The following SLC26A5 variants were observed in gnomAD, a reference collection of about 807,000 sequenced individuals.
SLC26A5 encodes the protein prestin.
SLC26A5 carries 51 observed loss-of-function variants against 81.0 expected under a neutral mutation model. The observed-to-expected ratio is 0.63, with a 90% confidence interval of 0.50 to 0.80. SLC26A5 has a LOEUF of 0.80. Ranked by LOEUF, SLC26A5 falls within the 30% of genes least tolerant of loss-of-function variation. The pLI is 0.00. For synonymous variants in SLC26A5, 325 were observed against 332.8 expected (o/e 0.98, Z 0.25); for missense variants, 771 against 905.8 (o/e 0.85, Z 1.91).
intron 4 of SLC26A5, among the ~76,000 whole-genome samples, chr7:103,414,190 C>CT (rs199802339): frequency 3.0e-3 from 386 of 127,068 alleles, no homozygotes; most frequent in East Asian, 4.3e-3. Flanking sequence ...TTGCCCCCCC[C>CT]TTTTTTTTTT....
chr7:103,410,607 G>A (rs1410213673), intron 6 of SLC26A5, 58 bp from the exon 7 acceptor site: 1 of 1,458,846 alleles, frequency 6.9e-7, no homozygotes. Flanking sequence ...AGGAAGTTAT[G>A]ACCCACAGCA....
chr7:103,355,268 A>C (rs547961302), intron 19 of SLC26A5, among the ~76,000 whole-genome samples: 1 of 152,050 alleles, frequency 6.6e-6, no homozygotes, highest in African/African-American at 2.4e-5. Context: ...ATCTCACAAC[A>C]TAGTTTTGCT....
chr7:103,393,116 A>G, intron 9 of SLC26A5, 50 bp from the exon 10 acceptor site: 1 of 1,608,780 alleles, frequency 6.2e-7, no homozygotes, highest in Middle Eastern at 1.7e-4. Flanking sequence ...AAGGGAAAAG[A>G]AAAAAAACCT....
At chr7:103,398,846 A>G (rs944360699) in intron 8 of SLC26A5, among the ~76,000 whole-genome samples, 1 of 152,112 alleles carries the variant, frequency 6.6e-6, no homozygotes, top group Non-Finnish European at 1.5e-5. Flanking sequence ...CTGGGAGACC[A>G]GGGGCATGGG....
chr7:103,427,875 T>G (rs1191837724), intron 2 of SLC26A5, among the ~76,000 whole-genome samples: 1 of 147,990 alleles, frequency 6.8e-6, no homozygotes, highest in Admixed American at 6.8e-5. Flanking sequence ...TCTTTTGAGA[T>G]GGAGTCTCAC....
chr7:103,445,586 G>C (rs1039659744), intron 1 of SLC26A5: 3 of 152,284 alleles, frequency 2.0e-5, no homozygotes, highest in Non-Finnish European at 4.4e-5. Context: ...GCTGAGCGGA[G>C]GGCCCAGTTT....
At chr7:103,445,183 T>C (rs1422583916) in intron 1 of SLC26A5, 1 of 152,190 alleles carries the variant, frequency 6.6e-6, no homozygotes, top group African/African-American at 2.4e-5. Context: ...AGGAAAAGAA[T>C]TTTGCCCACC....
In SLC26A5 at chr7:103,377,777, T is replaced by G; in HGVS notation, c.1808A>C (p.Asp603Ala). 6.2e-7 allele frequency: 1 copy of G among 1,613,978 alleles called. No homozygotes were observed. The highest frequency in any genetic ancestry group is 8.5e-7 in the Non-Finnish European group (1 of 1,180,012). The change falls in exon 18 of 20, where the codon GAT becomes GCT. Residue 603 changes from aspartate (D) to alanine (A), a missense_variant. Asp to Ala is a moderately radical substitution (Grantham distance 126). Transcript: ENST00000306312. ...VKADAEVDGE[D>A]ATKPEEEDGE... is the part of the protein sequence containing the mutation. ...ATCCTCTTCTTCAGGCTTGGTAGCA[T>G]CCTCTCCATCTACTTCTGCATCCTG...
Position 103,389,360 on chromosome 7 carries a change from G to A in SLC26A5, c.1376C>T (p.Pro459Leu). The change falls in exon 13 of 20, where the codon CCC (proline) becomes CTC (leucine). Residue 459 changes from proline to leucine, a missense_variant. By Grantham distance (98) the Pro-to-Leu change is moderately conservative. Coordinates refer to ENST00000306312, the MANE Select transcript of SLC26A5 (RefSeq NM_198999.3). The part of the protein sequence containing the change: ...KGMFMQFSDL[P>L]FFWRTSKIEL... Reference sequence around the variant, plus strand: ...TATTTTGCTGGTTCTCCAGAAAAAGGGGAGATCTGAGAACTGCATAAACAT... The same window carrying A: ...TATTTTGCTGGTTCTCCAGAAAAAGAGGAGATCTGAGAACTGCATAAACAT... 1 of 1,614,018 alleles carries A rather than the reference G, an allele frequency of 6.2e-7. No individual in the cohort carries two copies. The highest frequency in any genetic ancestry group is 8.5e-7 in the Non-Finnish European group (1 of 1,179,948).
chr7:103,365,333 TA>T (rs34723912), intron 19 of SLC26A5, among the ~76,000 whole-genome samples: 16 of 152,146 alleles, frequency 1.1e-4, no homozygotes, highest in African/African-American at 3.9e-4. Context: ...CAGTCTTTTT[TA>T]AAAAAAGTTT....
intron 2 of SLC26A5, among the ~76,000 whole-genome samples, chr7:103,438,192 A>T (rs11983166): frequency 0.17 from 26,351 of 152,098 alleles, 2,626 homozygotes; most frequent in East Asian, 0.44. Context: ...TTTTAAAAAA[A>T]ACTAAGAGTA....
intron 19 of SLC26A5, among the ~76,000 whole-genome samples, chr7:103,360,409 T>C (rs2116210115): frequency 6.6e-6 from 1 of 152,226 alleles, no homozygotes; most frequent in South Asian, 2.1e-4. Context: ...CTAGCAAACA[T>C]GGTTGGTAAC....
rs187461659 is a variant in SLC26A5 at position 103,391,961 on chromosome 7, C to A, written c.1120-226G>T. On this transcript the variant is annotated intron_variant, in intron 10 of 19. Coordinates refer to ENST00000306312, the MANE Select transcript of SLC26A5 (RefSeq NM_198999.3). ...TATTTTGTCAGAGATAAACGCTGGGCTCCCTGCTCAGCCTCCTTTCCAAAC... is the reference window on the plus strand; with the variant it reads ...TATTTTGTCAGAGATAAACGCTGGGATCCCTGCTCAGCCTCCTTTCCAAAC... 4.6e-5 allele frequency among the ~76,000 whole-genome samples: 7 copies of A among 152,324 alleles called. No individual in the cohort carries two copies. The East Asian group carries it at 1.3e-3, about 29-fold the overall frequency.
chr7:103,363,662 T>C (rs1186190194), intron 19 of SLC26A5, among the ~76,000 whole-genome samples: 1 of 150,916 alleles, frequency 6.6e-6, no homozygotes, highest in Non-Finnish European at 1.5e-5. Context: ...ATCTGCTGTT[T>C]ACAGTGACAG....
At chr7:103,432,324 T>C (rs538791497) in intron 2 of SLC26A5, among the ~76,000 whole-genome samples, 8 of 152,352 alleles carry the variant, frequency 5.3e-5, no homozygotes, top group African/African-American at 1.4e-4. Context: ...TATTCTCCCT[T>C]TTCTCTTTCC....
chr7:103,436,666 G>C (rs924845997), intron 2 of SLC26A5, among the ~76,000 whole-genome samples: 1 of 152,138 alleles, frequency 6.6e-6, no homozygotes, highest in Non-Finnish European at 1.5e-5. Flanking sequence ...GCTGAATGTT[G>C]GGTAGGGCTT....
intron 3 of SLC26A5, 152 bp downstream of exon 3, chr7:103,421,211 T>A: frequency 1.2e-6 from 1 of 833,538 alleles, no homozygotes; most frequent in Non-Finnish European, 1.9e-6. Context: ...TATCTAACGC[T>A]GACTGAACCT....
intron 19 of SLC26A5, among the ~76,000 whole-genome samples, chr7:103,359,210 C>T (rs1430823982): frequency 8.0e-6 from 1 of 124,920 alleles, no homozygotes; most frequent in Non-Finnish European, 1.6e-5. Flanking sequence ...GTTGCCTGGG[C>T]TGCTCTTGAA....
chr7:103,398,099 G>C lies in SLC26A5; in HGVS notation c.889-85C>G, dbSNP rs75861002. The C allele has an allele frequency of 5.8e-3, 5,848 of 1,010,766 alleles. 202 individuals carry two copies. In the African/African-American group the frequency reaches 0.081, roughly 14 times the overall value. The allele number at this position is 1,010,766 out of a possible 1,614,324, so 62.6% of individuals were successfully genotyped here. A position where few individuals can be genotyped will look rare whatever the true frequency, so the allele number is the denominator to read the frequency against. ...CAGCTTCAAATAATATGTTAGTCAA[G>C]TCAAATCTATTCTCACTTTTAACAT... On this transcript the variant is annotated intron_variant, in intron 8 of 19. Transcript: ENST00000306312.
Sources: gnomAD v4.1 joint callset for allele counts (sites outside exome capture counted in the v4.1 genomes callset) on GRCh38, gnomAD v4.1.1 for gene constraint, MANE v1.5 for transcripts, NCBI Gene and HGNC (gene_info 2026-07-23, HGNC 2026-07-21) for gene names.